Variants in CNTNAP5 observed in about 807,000 individuals in gnomAD.
CNTNAP5 encodes the protein contactin associated protein family member 5.
CNTNAP5 carries 72 observed loss-of-function variants against 150.2 expected under a neutral mutation model. The ratio of observed to expected loss-of-function variants is 0.48; its 90% confidence interval spans 0.40 to 0.58. The LOEUF (loss-of-function observed/expected upper bound fraction) is 0.58. Among genes scored for constraint, CNTNAP5 ranks in the 20% least tolerant of loss-of-function variants. The pLI is 0.00. For synonymous variants in CNTNAP5, 672 were observed against 619.8 expected, an observed-to-expected ratio of 1.08 and a Z score of -1.25; for missense variants, 1,636 against 1,626.2, an observed-to-expected ratio of 1.01 and a Z score of -0.10.
In CNTNAP5 at chr2:124,491,233, C is replaced by A. The variant is rs1694017096; in HGVS notation, c.1063-13059C>A. The stretch of plus-strand genomic sequence containing the variant: ...TCTCTCCATTTCTCTTACCCTCTAA[C>A]CCTGACAAGTACTGTTCTATTCTCT... On this transcript the variant is annotated intron_variant, in intron 7 of 23. Transcript: ENST00000682447. 3.3e-5 allele frequency among the ~76,000 whole-genome samples: 5 copies of A among 152,200 alleles called. No individual in the cohort carries two copies. The South Asian group carries it at 1.0e-3, about 32-fold the overall frequency.
intron 3 of CNTNAP5, among the ~76,000 whole-genome samples, chr2:124,295,363 A>T (rs1688397852): frequency 6.6e-6 from 1 of 152,250 alleles, no homozygotes. Flanking sequence ...TAGATACCTC[A>T]GTTTCAGCCT....
intron 3 of CNTNAP5, among the ~76,000 whole-genome samples, chr2:124,318,361 TA>T (rs1320261275): frequency 6.6e-6 from 1 of 152,232 alleles, no homozygotes; most frequent in African/African-American, 2.4e-5. Flanking sequence ...ATATATATTT[TA>T]ACCACTCATT....
rs894435567 is a variant in CNTNAP5, at chr2:124,789,836, C to A, written c.2753-66C>A. 8.1e-6 allele frequency: 12 copies of A among 1,479,588 alleles called. No homozygotes were observed. The East Asian group carries it at 1.6e-4, about 20-fold the overall frequency. 91.7% of individuals were successfully genotyped at this position (1,479,588 alleles called of 1,614,324 possible). On this transcript the variant is annotated intron_variant, in intron 17 of 23. Transcript: ENST00000682447. ...ACTACTTAACTCTTACCCATGCCAACATTAAACCTAAATGTATTGAGCCCT... is the reference window on the plus strand; with the variant it reads ...ACTACTTAACTCTTACCCATGCCAAAATTAAACCTAAATGTATTGAGCCCT...
intron 13 of CNTNAP5, among the ~76,000 whole-genome samples, chr2:124,714,645 G>T (rs1679908096): frequency 6.6e-6 from 1 of 151,736 alleles, no homozygotes; most frequent in African/African-American, 2.4e-5. Flanking sequence ...CTGCTAGTGA[G>T]TTCAATAAAT....
At chr2:124,407,005 G>A (rs772655225) in intron 3 of CNTNAP5, among the ~76,000 whole-genome samples, 4 of 152,064 alleles carry the variant, frequency 2.6e-5, no homozygotes, top group East Asian at 3.9e-4. Context: ...CTCCAGTTCC[G>A]TCCATGTTGT....
chr2:124,036,835 G>A (rs753276553), intron 1 of CNTNAP5, among the ~76,000 whole-genome samples: 1 of 152,172 alleles, frequency 6.6e-6, no homozygotes, highest in Admixed American at 6.5e-5. Context: ...ATTTACCCAA[G>A]ATTATATAGC....
intron 22 of CNTNAP5, among the ~76,000 whole-genome samples, chr2:124,904,900 A>G (rs1678499043): frequency 6.6e-6 from 1 of 151,696 alleles, no homozygotes. Context: ...GAAACTAAAA[A>G]ACCCTCTGTA....
chr2:124,834,347 C>T (rs1453374213), intron 19 of CNTNAP5, among the ~76,000 whole-genome samples: 1 of 151,322 alleles, frequency 6.6e-6, no homozygotes, highest in African/African-American at 2.4e-5. Context: ...AAAAACAATG[C>T]TTTAGACAAT....
intron 3 of CNTNAP5, among the ~76,000 whole-genome samples, chr2:124,401,750 G>A (rs1374383641): frequency 6.6e-6 from 1 of 152,230 alleles, no homozygotes; most frequent in Non-Finnish European, 1.5e-5. Context: ...CAAAGTAGAA[G>A]AAGGATGAGA....
chr2:124,510,504 T>C (rs375283109), intron 8 of CNTNAP5, among the ~76,000 whole-genome samples: 12 of 60,218 alleles, frequency 2.0e-4, no homozygotes, highest in South Asian at 4.2e-4. Context: ...TATATATATA[T>C]ATATATATAT....
intron 3 of CNTNAP5, among the ~76,000 whole-genome samples, chr2:124,399,942 C>T (rs1044816540): frequency 5.9e-5 from 9 of 152,098 alleles, no homozygotes; most frequent in African/African-American, 1.9e-4. Flanking sequence ...AACGTCATAC[C>T]AGTTTCCTCT....
intron 19 of CNTNAP5, among the ~76,000 whole-genome samples, chr2:124,859,714 G>A (rs1255454037): frequency 5.9e-5 from 9 of 152,114 alleles, no homozygotes; most frequent in African/African-American, 1.9e-4. Flanking sequence ...ATACACCATG[G>A]AATACTATGC....
At chr2:124,423,663 T>TTG (rs1692168484) in intron 4 of CNTNAP5, among the ~76,000 whole-genome samples, 1 of 103,668 alleles carries the variant, frequency 9.6e-6, no homozygotes, top group African/African-American at 3.9e-5. Flanking sequence ...TTTTTTTTTT[T>TTG]TTTTTTTTTT....
intron 3 of CNTNAP5, among the ~76,000 whole-genome samples, chr2:124,342,960 A>G (rs375224915): frequency 6.6e-5 from 10 of 152,276 alleles, no homozygotes; most frequent in Middle Eastern, 3.4e-3. Flanking sequence ...AAATTATCAA[A>G]GTTTTCAGAA....
At chr2:124,822,603 A>G (rs575894433) in intron 19 of CNTNAP5, among the ~76,000 whole-genome samples, 39 of 152,264 alleles carry the variant, frequency 2.6e-4, no homozygotes, top group Non-Finnish European at 4.7e-4. Flanking sequence ...TAAATAAAGT[A>G]AAAAAACAAG....
At chr2:124,826,451 T>G (rs904714594) in intron 19 of CNTNAP5, among the ~76,000 whole-genome samples, 3 of 152,024 alleles carry the variant, frequency 2.0e-5, no homozygotes, top group African/African-American at 7.2e-5. Flanking sequence ...AGTGTGGAGC[T>G]TCCAGGCCAG....
chr2:124,061,050 G>GT (rs975679577), intron 1 of CNTNAP5, among the ~76,000 whole-genome samples: 2 of 151,800 alleles, frequency 1.3e-5, no homozygotes, highest in East Asian at 3.9e-4. Flanking sequence ...TTCCCCTTCC[G>GT]TTTTTTTTCT....
chr2:124,554,422 CTTTT>C (rs5834078), intron 10 of CNTNAP5, among the ~76,000 whole-genome samples: 1 of 137,120 alleles, frequency 7.3e-6, no homozygotes, highest in Non-Finnish European at 1.5e-5. Flanking sequence ...ATACTTTTTT[CTTTT>C]TTTTTTTTTT....
At chr2:124,871,417 C>T (rs1017548514) in intron 21 of CNTNAP5, among the ~76,000 whole-genome samples, 2 of 152,098 alleles carry the variant, frequency 1.3e-5, no homozygotes, top group African/African-American at 4.8e-5. Context: ...GTAACGGAGC[C>T]AGTGGCACTG....
Sources: gnomAD v4.1 joint callset for allele counts (sites outside exome capture counted in the v4.1 genomes callset) on GRCh38, gnomAD v4.1.1 for gene constraint, MANE v1.5 for transcripts, NCBI Gene and HGNC (gene_info 2026-07-23, HGNC 2026-07-21) for gene names.